THRAP3: variants seen among roughly 807,000 people sequenced by gnomAD.
The protein encoded by THRAP3 is thyroid hormone receptor associated protein 3, also known as thyroid hormone receptor-associated protein 3.
THRAP3 carries 16 observed loss-of-function variants against 101.0 expected under a neutral mutation model. The observed-to-expected ratio is 0.16, with a 90% CI of 0.11 to 0.24. The LOEUF (loss-of-function observed/expected upper bound fraction) is 0.24. Ranked by LOEUF, THRAP3 falls within the 10% of genes least tolerant of loss-of-function variation. THRAP3 has a pLI of 1.00. For synonymous variants in THRAP3, 407 were observed against 422.6 expected, an observed-to-expected ratio of 0.96 and a Z score of 0.45; for missense variants, 989 against 1,202.7, an observed-to-expected ratio of 0.82 and a Z score of 2.63.
intron 1 of THRAP3, among the ~76,000 whole-genome samples, chr1:36,245,785 C>T (rs1645223554): frequency 6.6e-6 from 1 of 152,168 alleles, no homozygotes; most frequent in African/African-American, 2.4e-5. Context: ...ATTTTAATAG[C>T]CCTTGAACAG....
intron 8 of THRAP3, among the ~76,000 whole-genome samples, chr1:36,295,545 T>TTTCCTTCC (rs55705007): frequency 0.69 from 99,826 of 145,288 alleles, 36,540 homozygotes; most frequent in Non-Finnish European, 0.79. Flanking sequence ...AGAGAAGTTT[T>TTTCCTTCC]TTCCTTCCTT....
At chr1:36,278,481 A>T (rs1236590675) in intron 2 of THRAP3, among the ~76,000 whole-genome samples, 3 of 152,132 alleles carry the variant, frequency 2.0e-5, no homozygotes, top group Non-Finnish European at 4.4e-5. Context: ...GTAATTAGAC[A>T]AGTAGTTTGA....
chr1:36,275,607 C>A (rs1404285623), intron 2 of THRAP3, among the ~76,000 whole-genome samples: 26 of 76,008 alleles, frequency 3.4e-4, no homozygotes, highest in African/African-American at 5.6e-4. Context: ...AAAAAAAAGT[C>A]TTCTTTTTTT....
chr1:36,295,954 C>CTTTTTTTT lies in THRAP3; in HGVS notation c.2116-599_2116-592dup, dbSNP rs575028397. On this transcript the variant is annotated intron_variant, in intron 8 of 11. Transcript: ENST00000354618. ...CCAGAGCTAATTTTAGCCTTCTCAA[C>CTTTTTTTT]TTTTTTTTTTTTTTTTTTTTTTTTT... is the stretch of plus-strand genomic sequence containing the variant. Among the ~76,000 whole-genome samples, 20 of 60,496 alleles carry CTTTTTTTT rather than the reference C, an allele frequency of 3.3e-4. 1 individual carries two copies. The highest frequency in any genetic ancestry group is 1.2e-3 in the South Asian group (2 of 1,632). The allele number at this position is 60,496 out of a possible 152,430, so 39.7% of individuals were successfully genotyped here.
intron 1 of THRAP3, among the ~76,000 whole-genome samples, chr1:36,256,217 T>TTAC (rs1186837133): frequency 1.4e-5 from 2 of 146,894 alleles, no homozygotes; most frequent in Non-Finnish European, 3.0e-5. Flanking sequence ...ATTGTTATTA[T>TTAC]TGTTATTATT....
chr1:36,238,301 ATGT>A (rs1440054888), intron 1 of THRAP3, among the ~76,000 whole-genome samples: 2 of 152,070 alleles, frequency 1.3e-5, no homozygotes, highest in South Asian at 4.1e-4. Context: ...ACCACATTTG[ATGT>A]TACTTGATTT....
rs1382175845 is a variant in THRAP3, at chr1:36,275,134, C to CACAT, written c.-31-7396_-31-7395insTACA. 8.2e-5 allele frequency among the ~76,000 whole-genome samples: 12 copies of CACAT among 146,894 alleles called. No homozygotes were observed. The East Asian group carries it at 2.3e-3, about 28-fold the overall frequency. On this transcript the variant is annotated intron_variant, in intron 2 of 11. Coordinates refer to ENST00000354618, the MANE Select transcript of THRAP3 (RefSeq NM_005119.4). ...TAAAAAATACACACACACACACACA[C>CACAT]ACAAAATTAGCTGGGCATGGTGGCA...
intron 1 of THRAP3, among the ~76,000 whole-genome samples, chr1:36,236,947 C>T (rs1013625879): frequency 2.0e-5 from 3 of 152,078 alleles, no homozygotes; most frequent in Admixed American, 6.6e-5. Context: ...GAGGCCGAGG[C>T]GGGCAAATCA....
At chr1:36,208,580 G>A in the THRAP3 span, among the ~76,000 whole-genome samples, 1 of 152,140 alleles carries the variant, frequency 6.6e-6, no homozygotes, top group South Asian at 2.1e-4. Context: ...ACAGAATTAT[G>A]TTAGTTATTA....
rs189462799 is a variant in THRAP3, at chr1:36,248,871, A to G, written c.-134-10511A>G. Among the ~76,000 whole-genome samples the G allele has an allele frequency of 8.5e-5, 13 of 152,060 alleles. No homozygotes were observed. The East Asian group carries it at 2.1e-3, about 25-fold the overall frequency. ...GTGTTGGAGGAGATACAAGATAAATATAAGGCACAGTCCCTATTCTTTTTC... is the reference window on the plus strand; with the variant it reads ...GTGTTGGAGGAGATACAAGATAAATGTAAGGCACAGTCCCTATTCTTTTTC... On this transcript the variant is annotated intron_variant, in intron 1 of 11. Transcript: ENST00000354618.
At chr1:36,257,781 G>T (rs1431243688) in intron 1 of THRAP3, among the ~76,000 whole-genome samples, 1 of 152,218 alleles carries the variant, frequency 6.6e-6, no homozygotes, top group Admixed American at 6.5e-5. Context: ...AGATTTATGT[G>T]TGTGTACTTT....
Position 36,287,191 on chromosome 1 carries a change from C to A in THRAP3, c.961C>A (p.Pro321Thr), listed in dbSNP as rs543492113. 3 of 1,614,156 alleles carry A rather than the reference C, an allele frequency of 1.9e-6. No individual in the cohort carries two copies. The highest frequency in any genetic ancestry group is 2.5e-6 in the Non-Finnish European group (3 of 1,180,020). Residue 321 changes from proline to threonine, a missense_variant, in exon 4 of 12, where the codon CCA (proline) becomes ACA (threonine). Physicochemically the swap from Pro to Thr is conservative, Grantham distance 38. Coordinates refer to ENST00000354618, the MANE Select transcript of THRAP3 (RefSeq NM_005119.4). ...CAAAAAGAGCCCTGTGGGTAAGAGT[C>A]CACCATCCACTGGCTCCACATATGG... Reference protein sequence around the residue: ...PSKKSPVGKSPPSTGSTYGSS... With the variant: ...PSKKSPVGKSTPSTGSTYGSS...
chr1:36,281,758 T>A (rs1456966268), intron 2 of THRAP3, among the ~76,000 whole-genome samples: 1 of 152,028 alleles, frequency 6.6e-6, no homozygotes, highest in African/African-American at 2.4e-5. Flanking sequence ...TACCACTACA[T>A]CCAGCTAATT....
At position 36,304,126 on chromosome 1, in the gene THRAP3, C is replaced by T. The variant is rs1646065872; in HGVS notation, c.*109C>T. 2 of 1,397,684 alleles carry T rather than the reference C, an allele frequency of 1.4e-6. No individual in the cohort carries two copies. The highest frequency in any genetic ancestry group is 1.9e-6 in the Non-Finnish European group (2 of 1,059,022). 86.6% of individuals were successfully genotyped at this position (1,397,684 alleles called of 1,614,324 possible). ...GAAGATTCTGAAAATCCTACCCCCACCCCCCACCAGCCGCACAGATTGTAC... is the reference window on the plus strand; with the variant it reads ...GAAGATTCTGAAAATCCTACCCCCATCCCCCACCAGCCGCACAGATTGTAC... On this transcript the variant is annotated 3_prime_UTR_variant, in exon 12 of 12. Transcript: ENST00000354618.
In THRAP3 at chr1:36,232,879, C is replaced by CTTT. The variant is rs11448026; in HGVS notation, c.-135+8387_-135+8389dup. Among the ~76,000 whole-genome samples the CTTT allele has an allele frequency of 1.2e-3, 168 of 139,120 alleles. 2 individuals are homozygous for CTTT. The highest frequency in any genetic ancestry group is 3.8e-3 in the African/African-American group (144 of 37,558). 91.3% of individuals were successfully genotyped at this position (139,120 alleles called of 152,430 possible). ...TTTGTCAAAACTCATCGAACTGTAT[C>CTTT]TTTTTTTTTTTTTTTGAGACAGTCT... On this transcript the variant is annotated intron_variant, in intron 1 of 11. Coordinates refer to ENST00000354618, the MANE Select transcript of THRAP3 (RefSeq NM_005119.4).
chr1:36,208,302 T>C, the THRAP3 span, among the ~76,000 whole-genome samples: 36 of 152,254 alleles, frequency 2.4e-4, no homozygotes, highest in Admixed American at 7.2e-4. Flanking sequence ...AGAGTTGTCA[T>C]ATGGATGAGA....
At chr1:36,268,211 T>G (rs1256044404) in intron 2 of THRAP3, among the ~76,000 whole-genome samples, 1 of 151,976 alleles carries the variant, frequency 6.6e-6, no homozygotes, top group African/African-American at 2.4e-5. Flanking sequence ...TTACCCTTTT[T>G]CTTGCACTGA....
chr1:36,299,882 T>A (rs1323040229), intron 9 of THRAP3, among the ~76,000 whole-genome samples: 1 of 152,100 alleles, frequency 6.6e-6, no homozygotes, highest in Non-Finnish European at 1.5e-5. Flanking sequence ...GTTACATGAA[T>A]CCTATCACAG....
At chr1:36,290,773 T>C (rs1203379151) in intron 5 of THRAP3, among the ~76,000 whole-genome samples, 2 of 152,132 alleles carry the variant, frequency 1.3e-5, no homozygotes. Context: ...GCCACAATTT[T>C]AGGGTTAAGG....
Sources: allele counts gnomAD v4.1 joint callset (sites outside exome capture counted in the v4.1 genomes callset), GRCh38; gene constraint gnomAD v4.1.1; transcripts MANE v1.5; gene names NCBI Gene and HGNC (gene_info 2026-07-23, HGNC 2026-07-21).